NBDY: variants seen among roughly 807,000 people sequenced by gnomAD.
NBDY encodes P-body dissociating protein.
rs191941097 is a variant in NBDY, at chrX:56,791,509, G to A, written c.*167-25811G>A. Among the ~76,000 whole-genome samples the A allele has an allele frequency of 1.1e-4, 12 of 111,884 alleles. No homozygotes were observed. In the South Asian group the frequency reaches 3.8e-3, roughly 36 times the overall value. ...TGGCTGATGACATTCTCAGGGCAAT[G>A]TTCAACCTGCACCTGTGTCCTCTGT... On this transcript the variant is annotated intron_variant, in intron 2 of 2. Transcript: ENST00000374922.
chrX:56,746,422 T>G (rs1444606480), intron 2 of NBDY, among the ~76,000 whole-genome samples: 1 of 111,410 alleles, frequency 9.0e-6, no homozygotes, highest in Non-Finnish European at 1.9e-5. Flanking sequence ...AAGCCAGATT[T>G]TATTGCATGG....
intron 2 of NBDY, among the ~76,000 whole-genome samples, chrX:56,781,002 C>G (rs770615730): frequency 2.7e-5 from 3 of 110,348 alleles, no homozygotes; most frequent in Non-Finnish European, 5.7e-5. Flanking sequence ...AATGTGTGTC[C>G]TTTTCTCATA....
At chrX:56,736,566 A>T (rs2069495170) in intron 2 of NBDY, among the ~76,000 whole-genome samples, 1 of 112,694 alleles carries the variant, frequency 8.9e-6, no homozygotes, top group Non-Finnish European at 1.9e-5. Context: ...ACGCCCGGCC[A>T]ATGATTCTAA....
intron 1 of NBDY, among the ~76,000 whole-genome samples, chrX:56,731,839 G>T (rs1358485362): frequency 9.0e-6 from 1 of 111,643 alleles, no homozygotes; most frequent in East Asian, 2.8e-4. Flanking sequence ...TACACAGCAA[G>T]AAGTAGCTGA....
At chrX:56,764,871 C>G (rs1369383676) in intron 2 of NBDY, among the ~76,000 whole-genome samples, 1 of 111,531 alleles carries the variant, frequency 9.0e-6, no homozygotes, top group African/African-American at 3.3e-5. Context: ...TCTGTGCCCA[C>G]GCGGTGCAGA....
rs2069590866 is a variant in NBDY, at chrX:56,752,485, C to T, written c.*166+20286C>T. 2.7e-5 allele frequency among the ~76,000 whole-genome samples: 3 copies of T among 111,404 alleles called. No homozygotes were observed. In the South Asian group the frequency reaches 1.1e-3, roughly 42 times the overall value. ...TGTCAGATAGGTTTTTATTTGAAGC[C>T]TTATCAGTACCTTAGAACTCTGCTG... On this transcript the variant is annotated intron_variant, in intron 2 of 2. Coordinates refer to ENST00000374922, the MANE Select transcript of NBDY (RefSeq NM_001348129.2).
chrX:56,783,799 T>C (rs1172901803), intron 2 of NBDY, among the ~76,000 whole-genome samples: 1 of 112,401 alleles, frequency 8.9e-6, no homozygotes, highest in Non-Finnish European at 1.9e-5. Flanking sequence ...CCTTTGTCTT[T>C]CTCCATTTGT....
At chrX:56,799,349 G>C (rs995905320) in intron 2 of NBDY, among the ~76,000 whole-genome samples, 2 of 113,166 alleles carry the variant, frequency 1.8e-5, no homozygotes, top group African/African-American at 6.4e-5. Flanking sequence ...AAAGAGACCA[G>C]AGCAAATGGC....
intron 2 of NBDY, among the ~76,000 whole-genome samples, chrX:56,782,195 T>G (rs1365541953): frequency 1.8e-5 from 2 of 110,999 alleles, no homozygotes; most frequent in East Asian, 5.6e-4. Context: ...GGCATGGACC[T>G]CCCACTTTCT....
At chrX:56,790,199 C>T in intron 2 of NBDY, among the ~76,000 whole-genome samples, 1 of 112,780 alleles carries the variant, frequency 8.9e-6, no homozygotes, top group African/African-American at 3.2e-5. Context: ...ACATATGCTA[C>T]CCATGCTGCT....
chrX:56,799,761 A>T (rs1228265028), intron 2 of NBDY, among the ~76,000 whole-genome samples: 3 of 111,930 alleles, frequency 2.7e-5, no homozygotes, highest in African/African-American at 9.7e-5. Flanking sequence ...AAACACACAC[A>T]AAAAAAACAA....
At chrX:56,788,304 T>A (rs2069741621) in intron 2 of NBDY, among the ~76,000 whole-genome samples, 1 of 112,954 alleles carries the variant, frequency 8.9e-6, no homozygotes, top group African/African-American at 3.2e-5. Flanking sequence ...AAGGTTATGG[T>A]TGTAGTTGGC....
chrX:56,764,793 C>T (rs949039199), intron 2 of NBDY, among the ~76,000 whole-genome samples: 2 of 107,673 alleles, frequency 1.9e-5, no homozygotes, highest in Admixed American at 9.9e-5. Flanking sequence ...TTGGGGGAAC[C>T]GGCAACAGTA....
rs191305437 is a variant in NBDY, at chrX:56,735,815, T to C, written c.*166+3616T>C. Among the ~76,000 whole-genome samples, 1,013 of 111,324 alleles carry C rather than the reference T, an allele frequency of 9.1e-3. 12 individuals carry two copies. The highest frequency in any genetic ancestry group is 0.017 in the Admixed American group (175 of 10,510). On this transcript the variant is annotated intron_variant, in intron 2 of 2. Coordinates refer to ENST00000374922, the MANE Select transcript of NBDY (RefSeq NM_001348129.2). Reference sequence around the variant, plus strand: ...GTCTTTTCTGCCTCCTTCTGCGAAGTAGGGCTACACTAAAACCTTGTCACA... The same window carrying C: ...GTCTTTTCTGCCTCCTTCTGCGAAGCAGGGCTACACTAAAACCTTGTCACA...
At chrX:56,793,481 C>A (rs1296463210) in intron 2 of NBDY, among the ~76,000 whole-genome samples, 3 of 110,749 alleles carry the variant, frequency 2.7e-5, no homozygotes, top group Non-Finnish European at 5.7e-5. Context: ...TTTGTCTTCT[C>A]CTTGTCTTTT....
At chrX:56,730,513 C>CAAAAAAA (rs1157131797) in intron 1 of NBDY, among the ~76,000 whole-genome samples, 1,459 of 11,191 alleles carry the variant, frequency 0.13, 538 homozygotes, top group Middle Eastern at 0.22. Flanking sequence ...AACTACGTCT[C>CAAAAAAA]AAAAAAAAAA....
intron 2 of NBDY, among the ~76,000 whole-genome samples, chrX:56,781,090 G>A (rs1024027038): frequency 9.0e-6 from 1 of 111,540 alleles, no homozygotes; most frequent in Admixed American, 9.5e-5. Context: ...AGGAACTTTG[G>A]TGTTGTTAGT....
chrX:56,731,322 G>A (rs183297189), intron 1 of NBDY, among the ~76,000 whole-genome samples: 7 of 106,711 alleles, frequency 6.6e-5, no homozygotes, highest in African/African-American at 2.4e-4. Flanking sequence ...ACTTTGTGCC[G>A]CTGAGGTGGG....
intron 2 of NBDY, among the ~76,000 whole-genome samples, chrX:56,785,229 G>A (rs903115550): frequency 9.0e-6 from 1 of 111,191 alleles, no homozygotes; most frequent in Non-Finnish European, 1.9e-5. Flanking sequence ...TTTTTCACAT[G>A]TAGGTAGCAT....
Sources: allele counts gnomAD v4.1 joint callset (sites outside exome capture counted in the v4.1 genomes callset), GRCh38; gene constraint gnomAD v4.1.1; transcripts MANE v1.5; gene names NCBI Gene and HGNC (gene_info 2026-07-23, HGNC 2026-07-21).